SLC25A13: variants seen among roughly 807,000 people sequenced by gnomAD.
SLC25A13 encodes electrogenic aspartate/glutamate antiporter SLC25A13, mitochondrial.
A neutral mutation model predicts 85.5 loss-of-function variants in SLC25A13; 70 were observed. The ratio of observed to expected loss-of-function variants is 0.82; its 90% CI spans 0.68 to 1.00. The LOEUF (loss-of-function observed/expected upper bound fraction) is 1.00, where lower values mean the gene tolerates loss of function less well. SLC25A13 is among the 50% of genes least tolerant of loss of function. The pLI, the probability that SLC25A13 is intolerant of heterozygous loss-of-function variation, is 0.00. For synonymous variants in SLC25A13, 259 were observed against 288.7 expected (o/e 0.90, Z 1.04); for missense variants, 765 against 819.8 (o/e 0.93, Z 0.82).
At chr7:96,311,323 T>C (rs1413173155) in intron 1 of SLC25A13, among the ~76,000 whole-genome samples, 1 of 152,132 alleles carries the variant, frequency 6.6e-6, no homozygotes, top group Non-Finnish European at 1.5e-5. Context: ...TACCCAGCAA[T>C]GTGATGGGAA....
intron 3 of SLC25A13, among the ~76,000 whole-genome samples, chr7:96,275,860 C>T (rs1035931954): frequency 3.3e-5 from 5 of 152,062 alleles, no homozygotes; most frequent in African/African-American, 1.2e-4. Flanking sequence ...ACATTGTGCA[C>T]ATGTACCCTA....
At chr7:96,233,532 G>C (rs187189678) in intron 4 of SLC25A13, among the ~76,000 whole-genome samples, 1 of 152,200 alleles carries the variant, frequency 6.6e-6, no homozygotes. Context: ...CTTTGCTCAA[G>C]ATGATTTAAC....
intron 14 of SLC25A13, among the ~76,000 whole-genome samples, chr7:96,144,667 T>C (rs1343542723): frequency 6.6e-6 from 1 of 152,214 alleles, no homozygotes; most frequent in Non-Finnish European, 1.5e-5. Flanking sequence ...TCAGCTCAGA[T>C]ACCATGGTTG....
intron 9 of SLC25A13, among the ~76,000 whole-genome samples, chr7:96,186,694 G>A (rs1794658056): frequency 6.6e-6 from 1 of 152,002 alleles, no homozygotes. Flanking sequence ...ATGTTCACAA[G>A]GAATTATAAA....
intron 13 of SLC25A13, among the ~76,000 whole-genome samples, chr7:96,156,191 A>G (rs987073911): frequency 2.0e-5 from 3 of 152,192 alleles, no homozygotes; most frequent in African/African-American, 7.2e-5. Context: ...AATATAACTG[A>G]TTTTCATCAG....
chr7:96,267,793 T>A (rs1325409197), intron 3 of SLC25A13, among the ~76,000 whole-genome samples: 1 of 133,018 alleles, frequency 7.5e-6, no homozygotes, highest in Non-Finnish European at 1.6e-5. Context: ...AGCCTGAGAC[T>A]CTGTCTCAAA....
In SLC25A13 at chr7:96,194,529, C is replaced by T. The variant is rs533232584; in HGVS notation, c.469-1346G>A. Among the ~76,000 whole-genome samples, 232 of 142,096 alleles carry T rather than the reference C, an allele frequency of 1.6e-3. 1 individual carries two copies. Among genetic ancestry groups the T allele is most frequent in the African/African-American group, 5.5e-3 (213 of 38,814 alleles). The allele number at this position is 142,096 out of a possible 152,430, so 93.2% of individuals were successfully genotyped here. On this transcript the variant is annotated intron_variant, in intron 5 of 17. Transcript: ENST00000265631. ...TTGAATATAATGGAGTTTTTTTAGA[C>T]GATATTAAGAAATTAATTTTTAATT...
At position 96,146,551 on chromosome 7, in the gene SLC25A13, G is replaced by T; in HGVS notation, c.1452+5C>A. The stretch of plus-strand genomic sequence containing the variant: ...AATAAATGACTAAAAAAAAAAAAAA[G>T]TTACCTTGTAGATCCCAAAAAACCC... On this transcript the variant is annotated splice_donor_5th_base_variant and intron_variant, in intron 14 of 17. Coordinates refer to ENST00000265631, the MANE Select transcript of SLC25A13 (RefSeq NM_014251.3). 1 of 1,602,180 alleles carries T rather than the reference G, an allele frequency of 6.2e-7. No homozygotes were observed. Among genetic ancestry groups the T allele is most frequent in the Non-Finnish European group, 8.5e-7 (1 of 1,174,756 alleles).
intron 2 of SLC25A13, among the ~76,000 whole-genome samples, chr7:96,287,092 C>T (rs1243889665): frequency 6.6e-6 from 1 of 152,228 alleles, no homozygotes; most frequent in Non-Finnish European, 1.5e-5. Flanking sequence ...TACTGCTGAT[C>T]CATAATTAAC....
chr7:96,137,829 T>C (rs1468581623), intron 14 of SLC25A13, among the ~76,000 whole-genome samples: 1 of 152,186 alleles, frequency 6.6e-6, no homozygotes, highest in Non-Finnish European at 1.5e-5. Flanking sequence ...TTCAACATGT[T>C]GGCCAGGATG....
chr7:96,128,793 TAATAA>T (rs1044258964), intron 15 of SLC25A13, among the ~76,000 whole-genome samples: 3 of 141,794 alleles, frequency 2.1e-5, no homozygotes, highest in Admixed American at 1.4e-4. Context: ...ATAATAATAA[TAATAA>T]AAGTCAATGC....
At chr7:96,296,567 G>A (rs540824696) in intron 2 of SLC25A13, among the ~76,000 whole-genome samples, 2 of 150,060 alleles carry the variant, frequency 1.3e-5, no homozygotes, top group East Asian at 2.0e-4. Context: ...TGCAACCTCC[G>A]CCTCCCAGGT....
chr7:96,232,450 A>T (rs1021931162), intron 4 of SLC25A13, among the ~76,000 whole-genome samples: 32 of 152,086 alleles, frequency 2.1e-4, no homozygotes, highest in Admixed American at 3.3e-4. Context: ...GGAGGGTAGA[A>T]GGTGGGAGGA....
In SLC25A13 at chr7:96,121,282, G is replaced by A. The variant is rs1157228706; in HGVS notation, c.1937C>T (p.Thr646Ile). 1 of 1,614,174 alleles carries A rather than the reference G, an allele frequency of 6.2e-7. No individual in the cohort carries two copies. The highest frequency in any genetic ancestry group is 8.5e-7 in the Non-Finnish European group (1 of 1,180,034). Residue 646 changes from threonine to isoleucine, a missense_variant, in exon 18 of 18, where the codon ACA becomes ATA. Thr to Ile is a moderately conservative substitution (Grantham distance 89, BLOSUM62 -1). Transcript: ENST00000265631. ...HVGGYKLAVA[T>I]FAGIENKFGL... ...AAATTTGTTTTCAATCCCTGCAAAT[G>A]TAGCAACTGCCAGTTTGTAGCCCCC...
At position 96,213,818 on chromosome 7, in the gene SLC25A13, T is replaced by C. The variant is rs972805420; in HGVS notation, c.329-4841A>G. 4.6e-5 allele frequency among the ~76,000 whole-genome samples: 7 copies of C among 152,294 alleles called. No individual in the cohort carries two copies. In the East Asian group the frequency reaches 5.8e-4, roughly 13 times the overall value. On this transcript the variant is annotated intron_variant, in intron 4 of 17. Transcript: ENST00000265631. ...ATATAGGCAAAGAAACAAAACTAAT[T>C]AGCATTAAAATGTGCATGTAGCACT...
At chr7:96,306,060 TGAG>T (rs1225724179) in intron 1 of SLC25A13, among the ~76,000 whole-genome samples, 1 of 152,162 alleles carries the variant, frequency 6.6e-6, no homozygotes, top group African/African-American at 2.4e-5. Flanking sequence ...TCAACAGCCC[TGAG>T]GAGTAGACAC....
At chr7:96,223,760 C>T (rs1796223495) in intron 4 of SLC25A13, among the ~76,000 whole-genome samples, 1 of 142,446 alleles carries the variant, frequency 7.0e-6, no homozygotes, top group Admixed American at 7.5e-5. Context: ...TGCACTCCAG[C>T]CGGGGCAACA....
intron 5 of SLC25A13, among the ~76,000 whole-genome samples, chr7:96,196,523 G>A (rs59309756): frequency 0.058 from 8,834 of 152,180 alleles, 279 homozygotes; most frequent in Non-Finnish European, 0.076. Context: ...GCAGGACAGG[G>A]GACATACCTG....
chr7:96,134,349 TCAAA>T (rs1189880718), intron 14 of SLC25A13, among the ~76,000 whole-genome samples: 5 of 152,134 alleles, frequency 3.3e-5, no homozygotes, highest in Admixed American at 1.3e-4. Flanking sequence ...TTTTAGCTTT[TCAAA>T]CAAAGACATA....
Sources: allele counts gnomAD v4.1 joint callset (sites outside exome capture counted in the v4.1 genomes callset), GRCh38; gene constraint gnomAD v4.1.1; transcripts MANE v1.5; gene names NCBI Gene and HGNC (gene_info 2026-07-23, HGNC 2026-07-21).